NAV3: variants seen among roughly 807,000 people sequenced by gnomAD.
NAV3 encodes the protein pore membrane and/or filament interacting like protein 1.
NAV3 carries 87 observed loss-of-function variants against 244.7 expected under a neutral mutation model. The ratio of observed to expected loss-of-function variants is 0.36; its 90% CI spans 0.30 to 0.42. NAV3 has a LOEUF of 0.42. Ranked by LOEUF, NAV3 falls within the 20% of genes least tolerant of loss-of-function variation. NAV3 has a pLI of 1.00. For missense variants in NAV3, 2,663 were observed against 2,893.3 expected, an observed-to-expected ratio of 0.92 and a Z score of 1.83; for synonymous variants, 1,126 against 1,042.2, an observed-to-expected ratio of 1.08 and a Z score of -1.55.
At chr12:77,708,674 G>C (rs1470851930) in intron 2 of NAV3, among the ~76,000 whole-genome samples, 1 of 152,118 alleles carries the variant, frequency 6.6e-6, no homozygotes, top group Non-Finnish European at 1.5e-5. Context: ...TCACGATACT[G>C]ATTCTTCCTA....
intron 22 of NAV3, among the ~76,000 whole-genome samples, chr12:78,151,535 G>T (rs1957081529): frequency 6.6e-6 from 1 of 151,870 alleles, no homozygotes; most frequent in Non-Finnish European, 1.5e-5. Flanking sequence ...AGTTATAGAA[G>T]GTCAAATTTT....
intron 2 of NAV3, among the ~76,000 whole-genome samples, chr12:77,597,155 T>G (rs1870206492): frequency 6.6e-6 from 1 of 152,154 alleles, no homozygotes; most frequent in African/African-American, 2.4e-5. Context: ...GTTGAAGACC[T>G]CATTTGAGGT....
intron 8 of NAV3, among the ~76,000 whole-genome samples, chr12:78,011,262 G>A (rs1875222066): frequency 6.6e-6 from 1 of 152,072 alleles, no homozygotes; most frequent in Non-Finnish European, 1.5e-5. Flanking sequence ...GGAAATTGCT[G>A]CATACTTTTT....
intron 5 of NAV3, among the ~76,000 whole-genome samples, chr12:77,973,590 C>G (rs145260696): frequency 4.6e-5 from 7 of 152,244 alleles, no homozygotes; most frequent in Non-Finnish European, 8.8e-5. Flanking sequence ...TGACCCCTAC[C>G]ACACACATTG....
chr12:77,798,882 G>A (rs1378194877), intron 2 of NAV3, among the ~76,000 whole-genome samples: 1 of 152,186 alleles, frequency 6.6e-6, no homozygotes, highest in Admixed American at 6.5e-5. Flanking sequence ...ATTTGGAGGA[G>A]AAATACTGTG....
chr12:77,902,369 A>G (rs533736365), intron 1 of NAV3, among the ~76,000 whole-genome samples: 1 of 152,366 alleles, frequency 6.6e-6, no homozygotes, highest in South Asian at 2.1e-4. Context: ...TGAGCCTATG[A>G]AAAATACAGT....
chr12:77,694,858 G>A (rs192063834), intron 2 of NAV3, among the ~76,000 whole-genome samples: 2 of 152,130 alleles, frequency 1.3e-5, no homozygotes, highest in African/African-American at 2.4e-5. Context: ...GATGTTTTGA[G>A]TGTCAGATCC....
At chr12:77,754,256 A>G (rs897736736) in intron 2 of NAV3, among the ~76,000 whole-genome samples, 1 of 152,088 alleles carries the variant, frequency 6.6e-6, no homozygotes, top group Non-Finnish European at 1.5e-5. Flanking sequence ...AGATTAGGGA[A>G]TACCAACGCC....
At position 78,006,201 on chromosome 12, in the gene NAV3, C is replaced by A. The variant is rs192691366; in HGVS notation, c.881-218C>A. Among the ~76,000 whole-genome samples, 20 of 152,046 alleles carry A rather than the reference C, an allele frequency of 1.3e-4. 1 individual carries two copies. The South Asian group carries it at 2.3e-3, about 17-fold the overall frequency. On this transcript the variant is annotated intron_variant, in intron 7 of 39. Transcript: ENST00000397909. The stretch of plus-strand genomic sequence containing the variant: ...AGAGGGGAAAATAAACACGTCCCCC[C>A]ACAGCCCCCACCCCAGAATCAATGC...
chr12:77,572,937 A>G (rs1868898256), intron 2 of NAV3, among the ~76,000 whole-genome samples: 1 of 152,184 alleles, frequency 6.6e-6, no homozygotes. Flanking sequence ...TACCTGCTGA[A>G]TTGCTCCACT....
chr12:77,868,840 C>T (rs542651266), intron 1 of NAV3, among the ~76,000 whole-genome samples: 34 of 151,254 alleles, frequency 2.2e-4, no homozygotes, highest in African/African-American at 7.3e-4. Flanking sequence ...GAGGCCAAGG[C>T]GAGCGGATTG....
Position 77,835,607 on chromosome 12 carries a change from A to C in NAV3, c.243+3903A>C, listed in dbSNP as rs189536356. Among the ~76,000 whole-genome samples, 13 of 152,290 alleles carry C rather than the reference A, an allele frequency of 8.5e-5. No individual in the cohort carries two copies. In the East Asian group the frequency reaches 2.5e-3, roughly 29 times the overall value. Reference sequence around the variant, plus strand: ...TCCCATAACTTGCCAGAAGTTGAGAATTTTACTTCAGTATTATAGCTTGGG... The same window carrying C: ...TCCCATAACTTGCCAGAAGTTGAGACTTTTACTTCAGTATTATAGCTTGGG... On this transcript the variant is annotated intron_variant, in intron 1 of 39. Transcript: ENST00000397909.
At chr12:77,739,494 T>G (rs1283798507) in intron 2 of NAV3, among the ~76,000 whole-genome samples, 1 of 152,094 alleles carries the variant, frequency 6.6e-6, no homozygotes, top group Non-Finnish European at 1.5e-5. Context: ...GATGCCACAT[T>G]TAATAAGAGC....
chr12:78,153,769 G>C (rs1475377182), intron 22 of NAV3, among the ~76,000 whole-genome samples: 1 of 151,902 alleles, frequency 6.6e-6, no homozygotes, highest in Non-Finnish European at 1.5e-5. Context: ...TGGGTATTTT[G>C]AGATTGTGTT....
rs775874234 is a variant in NAV3 at position 78,146,386 on chromosome 12, T to C, written c.4701T>C (p.His1567=). The C allele has an allele frequency of 9.5e-7, 1 of 1,056,524 alleles. No homozygotes were observed. The highest frequency in any genetic ancestry group is 3.1e-5 in the Admixed American group (1 of 32,136). 65.4% of individuals were successfully genotyped at this position (1,056,524 alleles called of 1,614,324 possible). A position where few individuals can be genotyped will look rare whatever the true frequency, so the allele number is the denominator to read the frequency against. The change falls in exon 21 of 40, where the codon CAT becomes CAC. Residue 1567 remains histidine, a synonymous_variant. Coordinates refer to ENST00000397909, the MANE Select transcript of NAV3 (RefSeq NM_001024383.2). ...SLYSTAEEKA[H]SEQIHKLRRE... ...TTTTACAGGCTGAAGAAAAGGCTCA[T>C]TCAGAGGTAAAAAAAAAATATGCAA...
intron 3 of NAV3, among the ~76,000 whole-genome samples, chr12:77,961,368 A>G (rs1165054214): frequency 7.1e-6 from 1 of 141,696 alleles, no homozygotes; most frequent in African/African-American, 2.5e-5. Context: ...ATGTAATATA[A>G]TAAATATATT....
intron 2 of NAV3, among the ~76,000 whole-genome samples, chr12:77,691,378 C>G (rs1352602966): frequency 1.1e-5 from 1 of 87,450 alleles, no homozygotes; most frequent in Non-Finnish European, 2.3e-5. Flanking sequence ...TGTACTTTTT[C>G]TGCTCAAACA....
chr12:77,896,096 A>C (rs1419878793), intron 1 of NAV3, among the ~76,000 whole-genome samples: 4 of 152,134 alleles, frequency 2.6e-5, no homozygotes, highest in Admixed American at 6.6e-5. Context: ...TTTTAATTTA[A>C]TCACATCTAA....
At chr12:78,191,437 G>A (rs959277330) in intron 34 of NAV3, among the ~76,000 whole-genome samples, 6 of 151,972 alleles carry the variant, frequency 3.9e-5, no homozygotes, top group Admixed American at 6.6e-5. Context: ...CACAGTGCAC[G>A]CGCACATACA....
Sources: allele counts gnomAD v4.1 joint callset (sites outside exome capture counted in the v4.1 genomes callset), GRCh38; gene constraint gnomAD v4.1.1; transcripts MANE v1.5; gene names NCBI Gene and HGNC (gene_info 2026-07-23, HGNC 2026-07-21).